PCDH7: variants seen among roughly 807,000 people sequenced by gnomAD.
PCDH7 encodes the protein protocadherin-7.
In PCDH7, 17 loss-of-function variants were observed where a neutral mutation model predicts 58.9. The observed-to-expected ratio is 0.29, with a 90% confidence interval of 0.20 to 0.43. The LOEUF (loss-of-function observed/expected upper bound fraction) is 0.43. Ranked by LOEUF, PCDH7 falls within the 20% of genes least tolerant of loss-of-function variation. The pLI, the probability that PCDH7 is intolerant of heterozygous loss-of-function variation, is 1.00. For synonymous variants in PCDH7, 664 were observed against 616.4 expected, an observed-to-expected ratio of 1.08 and a Z score of -1.14; for missense variants, 1,274 against 1,441.0, an observed-to-expected ratio of 0.88 and a Z score of 1.88.
chr4:31,126,197 C>T (rs898288192), intron 3 of PCDH7, among the ~76,000 whole-genome samples: 18 of 148,922 alleles, frequency 1.2e-4, no homozygotes, highest in African/African-American at 4.5e-4. Context: ...AATCTTGGCT[C>T]ACTGCAACCT....
At chr4:31,045,024 A>G (rs989538662) in intron 3 of PCDH7, among the ~76,000 whole-genome samples, 1 of 152,038 alleles carries the variant, frequency 6.6e-6, no homozygotes, top group African/African-American at 2.4e-5. Context: ...TTTGTGGCCT[A>G]GCAGATATAC....
chr4:31,084,755 G>C (rs182182750), intron 3 of PCDH7, among the ~76,000 whole-genome samples: 5,761 of 98,828 alleles, frequency 0.058, 277 homozygotes, highest in Non-Finnish European at 0.073. Context: ...AGGGAGGGGA[G>C]GGGAGGAGAT....
intron 1 of PCDH7, among the ~76,000 whole-genome samples, chr4:30,797,418 G>A (rs924393701): frequency 2.6e-5 from 4 of 151,822 alleles, no homozygotes; most frequent in South Asian, 2.1e-4. Context: ...GACTACAGGC[G>A]CCCGCCACCA....
At position 30,722,381 on chromosome 4, in the gene PCDH7, A is replaced by G; in HGVS notation, c.959A>G (p.Asn320Ser). 2 of 1,612,558 alleles carry G rather than the reference A, an allele frequency of 1.2e-6. No homozygotes were observed. The highest frequency in any genetic ancestry group is 1.7e-6 in the Non-Finnish European group (2 of 1,179,900). ...GTGTACGAGGCCGACTTGGCTGAGA[A>G]CAGCGCCCCGGGGACCCCCATCCTG... Residue 320 changes from asparagine (N) to serine (S), a missense_variant, in exon 1 of 2, where the codon AAC becomes AGC. Coordinates refer to ENST00000361762, the Ensembl canonical transcript of PCDH7. The surrounding 1 kb of genome is among the most constrained non-coding windows in gnomAD (Gnocchi z 7.6).
chr4:30,724,071 C>T lies in PCDH7; in HGVS notation c.2649C>T (p.Gly883=), dbSNP rs77959066. Residue 883 remains glycine (G), a synonymous_variant, in exon 1 of 2, where the codon GGC becomes GGT. Coordinates refer to ENST00000361762, the Ensembl canonical transcript of PCDH7. ...AACAGAGACTCAGTATTGTCATTGG[C>T]GTGGTTGCTGGCATTATGACGGTGA... 2.3e-3 allele frequency: 3,791 copies of T among 1,613,916 alleles called. 81 individuals are homozygous for T. In the African/African-American group the frequency reaches 0.044, roughly 19 times the overall value.
intron 1 of PCDH7, among the ~76,000 whole-genome samples, chr4:30,768,052 G>A (rs954355603): frequency 6.6e-6 from 1 of 152,122 alleles, no homozygotes; most frequent in Non-Finnish European, 1.5e-5. Flanking sequence ...CCTTAAAAAT[G>A]TGATACTCAG....
chr4:30,789,025 C>G (rs1408570458), intron 1 of PCDH7, among the ~76,000 whole-genome samples: 2 of 152,032 alleles, frequency 1.3e-5, no homozygotes, highest in African/African-American at 4.8e-5. Flanking sequence ...TGACCTCAAG[C>G]GCAAGACCAA....
chr4:30,892,631 G>A (rs953307767), intron 1 of PCDH7, among the ~76,000 whole-genome samples: 3 of 151,868 alleles, frequency 2.0e-5, no homozygotes, highest in Non-Finnish European at 2.9e-5. Context: ...TTAGTACATC[G>A]GGTGCTTTTT....
chr4:30,740,426 G>A (rs1300379051), intron 1 of PCDH7, among the ~76,000 whole-genome samples: 5 of 151,914 alleles, frequency 3.3e-5, no homozygotes, highest in African/African-American at 1.2e-4. Context: ...CTGTGCTTTT[G>A]GGAAACACTT....
At chr4:30,987,765 G>A (rs150449881) in intron 3 of PCDH7, 150 of 152,112 alleles carry the variant, frequency 9.9e-4, no homozygotes, top group African/African-American at 3.6e-3. Flanking sequence ...AGTACCATAA[G>A]AATATTTTTA....
intron 3 of PCDH7, among the ~76,000 whole-genome samples, chr4:30,951,542 C>T (rs533704812): frequency 2.6e-5 from 4 of 152,212 alleles, no homozygotes; most frequent in South Asian, 4.2e-4. Context: ...CACAGGTCTT[C>T]GCACGGTTAG....
chr4:30,948,980 A>G (rs1426238565), intron 2 of PCDH7, among the ~76,000 whole-genome samples: 1 of 152,130 alleles, frequency 6.6e-6, no homozygotes, highest in Admixed American at 6.6e-5. Context: ...GCTTTCCCAA[A>G]CATTGGGATT....
intron 3 of PCDH7, among the ~76,000 whole-genome samples, chr4:30,963,416 C>T (rs1030342374): frequency 6.6e-6 from 1 of 152,044 alleles, no homozygotes; most frequent in Non-Finnish European, 1.5e-5. Context: ...TTATTTAAGA[C>T]CAAGTATATA....
chr4:30,728,063 C>G (rs1409043547), intron 1 of PCDH7, among the ~76,000 whole-genome samples: 1 of 151,612 alleles, frequency 6.6e-6, no homozygotes, highest in African/African-American at 2.4e-5. Context: ...TTTACATTAA[C>G]TTCAGTGACA....
At chr4:30,899,041 A>G (rs192485629) in intron 1 of PCDH7, among the ~76,000 whole-genome samples, 1 of 152,272 alleles carries the variant, frequency 6.6e-6, no homozygotes, top group Admixed American at 6.5e-5. Context: ...AAAGTAACTG[A>G]ACTTTATGAA....
At chr4:31,070,363 G>A (rs763436716) in intron 3 of PCDH7, among the ~76,000 whole-genome samples, 6 of 151,990 alleles carry the variant, frequency 3.9e-5, no homozygotes, top group Non-Finnish European at 8.8e-5. Flanking sequence ...TTCAGACTTG[G>A]CTGGGTAATG....
intron 1 of PCDH7, among the ~76,000 whole-genome samples, chr4:30,835,767 C>G (rs1730415810): frequency 6.6e-6 from 1 of 152,108 alleles, no homozygotes. Flanking sequence ...TACCTACTTC[C>G]AGAGATGATG....
chr4:30,984,535 C>CT (rs1750814515), intron 3 of PCDH7, among the ~76,000 whole-genome samples: 1 of 152,180 alleles, frequency 6.6e-6, no homozygotes, highest in African/African-American at 2.4e-5. Context: ...TCAATTAACT[C>CT]TAAAGGCTGT....
Position 30,884,115 on chromosome 4 carries a change from C to T in PCDH7, c.71-36038C>T, listed in dbSNP as rs148329181. On this transcript the variant is annotated intron_variant, in intron 1 of 3. Transcript: ENST00000509759. ...TTCATTCAGAACAAATTCTAAATACCATGACCAATAATTTGGGCACATAAT... is the reference window on the plus strand; with the variant it reads ...TTCATTCAGAACAAATTCTAAATACTATGACCAATAATTTGGGCACATAAT... Among the ~76,000 whole-genome samples, 914 of 151,974 alleles carry T rather than the reference C, an allele frequency of 6.0e-3. 8 individuals carry two copies. Among genetic ancestry groups the T allele is most frequent in the African/African-American group, 0.02 (835 of 41,454 alleles).
Sources: allele counts gnomAD v4.1 joint callset (sites outside exome capture counted in the v4.1 genomes callset), GRCh38; gene constraint gnomAD v4.1.1; non-coding constraint Gnocchi (gnomAD v3.1); transcripts MANE v1.5; gene names NCBI Gene and HGNC (gene_info 2026-07-23, HGNC 2026-07-21).